NAV2: variants seen among roughly 807,000 people sequenced by gnomAD.
The protein encoded by NAV2 is neuron navigator 2.
NAV2 carries 54 observed loss-of-function variants against 223.2 expected under a neutral mutation model. The observed-to-expected ratio is 0.24, with a 90% CI of 0.19 to 0.30. The LOEUF (loss-of-function observed/expected upper bound fraction) is 0.30, where lower values mean the gene tolerates loss of function less well. Ranked by LOEUF, NAV2 falls within the 10% of genes least tolerant of loss-of-function variation. NAV2 has a pLI of 1.00. For synonymous variants in NAV2, 1,279 were observed against 1,239.3 expected (o/e 1.03, Z -0.67); for missense variants, 2,806 against 3,147.5 (o/e 0.89, Z 2.60).
chr11:19,680,133 G>A (rs1357313965), intron 1 of NAV2, among the ~76,000 whole-genome samples: 1 of 152,138 alleles, frequency 6.6e-6, no homozygotes, highest in East Asian at 1.9e-4. Flanking sequence ...ATCAGGCTTG[G>A]GGGTTTGGAT....
intron 1 of NAV2, among the ~76,000 whole-genome samples, chr11:19,371,407 A>T (rs1343040248): frequency 6.6e-6 from 1 of 151,966 alleles, no homozygotes; most frequent in Non-Finnish European, 1.5e-5. Context: ...TTACAGGTTA[A>T]CTCTAACCCA....
At chr11:19,891,629 T>G (rs938242854) in intron 5 of NAV2, among the ~76,000 whole-genome samples, 6 of 152,236 alleles carry the variant, frequency 3.9e-5, no homozygotes, top group Admixed American at 3.9e-4. Flanking sequence ...ATAATGCCTT[T>G]GGAGACAGGT....
chr11:19,734,970 G>A (rs895285798), intron 1 of NAV2, among the ~76,000 whole-genome samples: 1 of 152,210 alleles, frequency 6.6e-6, no homozygotes, highest in Non-Finnish European at 1.5e-5. Context: ...CCAAGCTAGA[G>A]TTGGAGCCAA....
At chr11:19,964,252 C>T (rs141535161) in intron 10 of NAV2, among the ~76,000 whole-genome samples, 18 of 152,232 alleles carry the variant, frequency 1.2e-4, no homozygotes, top group South Asian at 4.2e-4. Flanking sequence ...CTGACACGGA[C>T]GTTACAGTTG....
intron 1 of NAV2, among the ~76,000 whole-genome samples, chr11:19,574,349 C>T (rs896515048): frequency 1.3e-5 from 2 of 152,160 alleles, no homozygotes; most frequent in African/African-American, 4.8e-5. Flanking sequence ...AGGTTTCATT[C>T]AGTAACCACA....
At chr11:19,805,086 G>A (rs7927758) in intron 1 of NAV2, among the ~76,000 whole-genome samples, 3 of 152,130 alleles carry the variant, frequency 2.0e-5, no homozygotes, top group East Asian at 3.9e-4. Context: ...GAATGGTTTC[G>A]TGGCAGGGGT....
At chr11:19,463,647 G>A (rs1302760804) in intron 1 of NAV2, among the ~76,000 whole-genome samples, 3 of 152,244 alleles carry the variant, frequency 2.0e-5, no homozygotes, top group Admixed American at 6.5e-5. Flanking sequence ...TTTCTGGAGA[G>A]GGTGTGGTGT....
chr11:19,961,037 G>A (rs114098276), intron 10 of NAV2, among the ~76,000 whole-genome samples: 294 of 152,180 alleles, frequency 1.9e-3, no homozygotes, highest in African/African-American at 6.8e-3. Flanking sequence ...GAGCCCCCCT[G>A]TTTTTCCTGC....
intron 1 of NAV2, among the ~76,000 whole-genome samples, chr11:19,724,393 C>A (rs551457743): frequency 6.6e-6 from 1 of 152,256 alleles, no homozygotes; most frequent in Admixed American, 6.5e-5. Flanking sequence ...CTCTCTGTCA[C>A]CTAGGCTGGA....
At chr11:19,935,087 A>T (rs2153276359) in intron 7 of NAV2, among the ~76,000 whole-genome samples, 1 of 152,258 alleles carries the variant, frequency 6.6e-6, no homozygotes, top group African/African-American at 2.4e-5. Context: ...GCCACGTCAT[A>T]CACATGGATG....
chr11:19,679,379 C>T lies in NAV2; in HGVS notation c.76-153105C>T, dbSNP rs868439840. On this transcript the variant is annotated intron_variant, in intron 1 of 37. Coordinates refer to the NAV2 transcript ENST00000360655. ...CTGGGAGACGGAGGTTGCAGTGAAC[C>T]GAGATTGTGCCACTGCACTCCAGCC... Among the ~76,000 whole-genome samples the T allele has an allele frequency of 1.2e-3, 164 of 142,098 alleles. 2 individuals carry two copies. The highest frequency in any genetic ancestry group is 3.9e-3 in the Middle Eastern group (1 of 256). 93.2% of individuals were successfully genotyped at this position (142,098 alleles called of 152,430 possible).
At chr11:19,765,753 G>A (rs111555495) in intron 1 of NAV2, among the ~76,000 whole-genome samples, 1 of 149,464 alleles carries the variant, frequency 6.7e-6, no homozygotes, top group African/African-American at 2.5e-5. Flanking sequence ...CCCTCTCCCC[G>A]CAACATTGCC....
chr11:19,351,323 A>G (rs555314680), intron 1 of NAV2, among the ~76,000 whole-genome samples: 1 of 152,358 alleles, frequency 6.6e-6, no homozygotes, highest in South Asian at 2.1e-4. Flanking sequence ...AAAATCCAAT[A>G]TGAGTTTCTT....
At chr11:19,366,509 A>T (rs1590060421) in intron 1 of NAV2, among the ~76,000 whole-genome samples, 1 of 152,128 alleles carries the variant, frequency 6.6e-6, no homozygotes, top group African/African-American at 2.4e-5. Flanking sequence ...ATGTGGCTGG[A>T]TGAGTTGAAG....
chr11:19,877,815 G>T (rs1253667184), intron 4 of NAV2, among the ~76,000 whole-genome samples: 2 of 152,046 alleles, frequency 1.3e-5, no homozygotes, highest in Non-Finnish European at 2.9e-5. Flanking sequence ...CTGCCCAGTT[G>T]GGTGACTATA....
intron 1 of NAV2, among the ~76,000 whole-genome samples, chr11:19,725,475 C>T (rs185955478): frequency 1.5e-3 from 232 of 152,282 alleles, no homozygotes; most frequent in Non-Finnish European, 2.8e-3. Flanking sequence ...TAAAGTAACA[C>T]GGGGCCTTGG....
intron 29 of NAV2, 143 bp from the exon 30 acceptor site, chr11:20,095,529 G>A (rs552930311): frequency 7.5e-4 from 484 of 648,446 alleles, no homozygotes; most frequent in Non-Finnish European, 1.2e-3. Flanking sequence ...TTCCACCTAA[G>A]TTATACCTGG....
intron 1 of NAV2, among the ~76,000 whole-genome samples, chr11:19,658,589 A>T (rs2048188586): frequency 6.6e-6 from 1 of 152,188 alleles, no homozygotes; most frequent in Non-Finnish European, 1.5e-5. Context: ...TTGAATGTGG[A>T]AGCCAGACTC....
At chr11:19,934,790 G>A (rs1355571957) in intron 7 of NAV2, among the ~76,000 whole-genome samples, 1 of 148,606 alleles carries the variant, frequency 6.7e-6, no homozygotes, top group African/African-American at 2.5e-5. Flanking sequence ...GAAGGGAGAG[G>A]GACATTGGGG....
Sources: allele counts gnomAD v4.1 joint callset (sites outside exome capture counted in the v4.1 genomes callset), GRCh38; gene constraint gnomAD v4.1.1; transcripts MANE v1.5; gene names NCBI Gene and HGNC (gene_info 2026-07-23, HGNC 2026-07-21).